Variants in FAM149B1 observed in about 807,000 individuals in gnomAD.
FAM149B1 encodes family with sequence similarity 149 member B1.
FAM149B1 carries 56 observed loss-of-function variants against 75.3 expected under a neutral mutation model. That is an observed-to-expected ratio of 0.74 (90% confidence interval 0.60 to 0.93). The LOEUF (loss-of-function observed/expected upper bound fraction) is 0.93, where lower values mean the gene tolerates loss of function less well. FAM149B1 is among the 40% of genes least tolerant of loss of function. FAM149B1 has a pLI of 0.00. For missense variants in FAM149B1, 639 were observed against 708.4 expected (o/e 0.90, Z 1.11); for synonymous variants, 259 against 256.1 (o/e 1.01, Z -0.11).
chr10:73,209,690 C>T (rs2043145568), intron 6 of FAM149B1, among the ~76,000 whole-genome samples: 3 of 152,282 alleles, frequency 2.0e-5, no homozygotes, highest in Middle Eastern at 3.4e-3. Flanking sequence ...ATTCTCAATC[C>T]AGTCTTCTCT....
Position 73,244,402 on chromosome 10 carries a change from T to TTGTAGTCCCAGCTACTA in FAM149B1, c.*3383_*3384insTGTAGTCCCAGCTACTA, listed in dbSNP as rs2043984820. 6.6e-6 allele frequency: 1 copy of TTGTAGTCCCAGCTACTA among 151,072 alleles called. No individual in the cohort carries two copies. Among genetic ancestry groups the TTGTAGTCCCAGCTACTA allele is most frequent in the Admixed American group, 6.7e-5 (1 of 14,954 alleles). The allele number at this position is 151,072 out of a possible 1,614,324, so 9.4% of individuals were successfully genotyped here. A position where few individuals can be genotyped will look rare whatever the true frequency, so the allele number is the denominator to read the frequency against. On this transcript the variant is annotated 3_prime_UTR_variant, in exon 14 of 14. Coordinates refer to ENST00000242505, the MANE Select transcript of FAM149B1 (RefSeq NM_173348.2). ...GTCCCAGCTACTAGGGAGGCTGAGG[T>TTGTAGTCCCAGCTACTA]GGGAAGATGGCTTCAGTCTGAGAGT... is the stretch of plus-strand genomic sequence containing the variant.
chr10:73,192,736 A>G (rs2042714549), intron 4 of FAM149B1, 38 bp downstream of exon 4: 1 of 1,469,788 alleles, frequency 6.8e-7, no homozygotes, highest in Non-Finnish European at 9.0e-7. Flanking sequence ...TTCATGGCTA[A>G]TACTAAAATT....
At chr10:73,235,803 G>A (rs898333178) in intron 12 of FAM149B1, among the ~76,000 whole-genome samples, 1 of 152,170 alleles carries the variant, frequency 6.6e-6, no homozygotes, top group African/African-American at 2.4e-5. Context: ...GAGTAGCTGG[G>A]ACTACAGGTG....
intron 5 of FAM149B1, among the ~76,000 whole-genome samples, chr10:73,198,273 A>C (rs1014280603): frequency 2.6e-5 from 4 of 152,226 alleles, no homozygotes; most frequent in Admixed American, 6.5e-5. Context: ...ACATAGGGTA[A>C]AGCTTCAGGC....
At chr10:73,238,169 A>C (rs2043864776) in intron 12 of FAM149B1, among the ~76,000 whole-genome samples, 2 of 152,048 alleles carry the variant, frequency 1.3e-5, no homozygotes, top group African/African-American at 2.4e-5. Flanking sequence ...AACATGGTGA[A>C]ACCCGTTTCT....
At chr10:73,213,762 C>T (rs2043240295) in intron 7 of FAM149B1, among the ~76,000 whole-genome samples, 1 of 152,166 alleles carries the variant, frequency 6.6e-6, no homozygotes, top group African/African-American at 2.4e-5. Flanking sequence ...TGTGAGTCCT[C>T]CAGCTTTGTC....
chr10:73,233,149 C>A lies in FAM149B1; in HGVS notation c.1338C>A (p.Leu446=), dbSNP rs1312241840. 1 of 1,551,014 alleles carries A rather than the reference C, an allele frequency of 6.4e-7. No homozygotes were observed. Among genetic ancestry groups the A allele is most frequent in the African/African-American group, 1.4e-5 (1 of 73,018 alleles). The change falls in exon 10 of 14, where the codon CTC becomes CTA. Residue 446 remains leucine (L), a synonymous_variant. Coordinates refer to ENST00000242505, the MANE Select transcript of FAM149B1 (RefSeq NM_173348.2). ...AETPRSVEEI[L]RGARVPVAPD... ...CACCAAGATCTGTGGAAGAAATCCT[C>A]AGAGGAGCCCGAGTGTAGGTTTCAA...
At chr10:73,229,037 CT>C (rs1645087087) in intron 8 of FAM149B1, among the ~76,000 whole-genome samples, 1 of 152,110 alleles carries the variant, frequency 6.6e-6, no homozygotes, top group Non-Finnish European at 1.5e-5. Flanking sequence ...ATATTTAAAT[CT>C]GTTAACTTTT....
chr10:73,179,597 A>G (rs2042349474), intron 3 of FAM149B1, among the ~76,000 whole-genome samples: 2 of 149,510 alleles, frequency 1.3e-5, no homozygotes, highest in African/African-American at 2.5e-5. Flanking sequence ...TTTTTTTAAG[A>G]GGTAGGATCT....
chr10:73,241,017 TA>T lies in FAM149B1; in HGVS notation c.1749del (p.Ter583=). 1 of 1,525,822 alleles carries T rather than the reference TA, an allele frequency of 6.6e-7. No individual in the cohort carries two copies. Among genetic ancestry groups the T allele is most frequent in the Non-Finnish European group, 8.9e-7 (1 of 1,126,740 alleles). 94.5% of individuals were successfully genotyped at this position (1,525,822 alleles called of 1,614,324 possible). On this transcript the variant is annotated frameshift_variant and stop_lost, in exon 14 of 14. Coordinates refer to ENST00000242505, the MANE Select transcript of FAM149B1 (RefSeq NM_173348.2). LOFTEE classifies it high-confidence loss of function. Reference protein sequence around the residue: ...RPVSRTRQGP* With the variant: ...RPVSRTRQGPX ...AGTCTCTCGAACCAGGCAGGGACCA[TA>T]AGGCAAATGAGAAGAATCTATCAGG...
intron 7 of FAM149B1, among the ~76,000 whole-genome samples, chr10:73,211,163 T>C (rs927997427): frequency 6.6e-6 from 1 of 152,160 alleles, no homozygotes; most frequent in African/African-American, 2.4e-5. Context: ...CCTAGTCCTT[T>C]AGGATTTTTA....
intron 2 of FAM149B1, 51 bp downstream of exon 2, chr10:73,174,842 G>T: frequency 1.1e-5 from 15 of 1,320,118 alleles, no homozygotes; most frequent in Non-Finnish European, 1.6e-5. Flanking sequence ...TCATGGCAGA[G>T]GTTTTGTTTT....
At chr10:73,219,595 A>C (rs535577155) in intron 7 of FAM149B1, among the ~76,000 whole-genome samples, 5 of 152,208 alleles carry the variant, frequency 3.3e-5, no homozygotes, top group Non-Finnish European at 7.4e-5. Flanking sequence ...AAAGTTCAGA[A>C]ATACACCCAC....
chr10:73,215,273 G>A (rs868815693), intron 7 of FAM149B1, among the ~76,000 whole-genome samples: 14 of 152,062 alleles, frequency 9.2e-5, no homozygotes, highest in South Asian at 6.2e-4. Context: ...TGCCCACCTT[G>A]GCCTCCCTCC....
chr10:73,194,411 G>A (rs2042751692), intron 5 of FAM149B1, among the ~76,000 whole-genome samples: 1 of 151,548 alleles, frequency 6.6e-6, no homozygotes, highest in Admixed American at 6.6e-5. Flanking sequence ...TATTTTTTTT[G>A]AGACGGAGTC....
At position 73,230,534 on chromosome 10, in the gene FAM149B1, T is replaced by A. The variant is rs1293301492; in HGVS notation, c.1127+9T>A. 1 of 1,366,550 alleles carries A rather than the reference T, an allele frequency of 7.3e-7. No homozygotes were observed. Among genetic ancestry groups the A allele is most frequent in the Non-Finnish European group, 1.0e-6 (1 of 978,544 alleles). The allele number at this position is 1,366,550 out of a possible 1,614,324, so 84.7% of individuals were successfully genotyped here. A position where few individuals can be genotyped will look rare whatever the true frequency, so the allele number is the denominator to read the frequency against. On this transcript the variant is annotated intron_variant, in intron 9 of 13. Transcript: ENST00000242505. ...CTAATGGACAAGCTCCTGTAAGAAG[T>A]TCAACATTTTCAGACTATACAGTGT...
chr10:73,205,319 G>C (rs191538448), intron 5 of FAM149B1, among the ~76,000 whole-genome samples: 3 of 147,948 alleles, frequency 2.0e-5, no homozygotes, highest in African/African-American at 7.8e-5. Flanking sequence ...TCATTTAGAA[G>C]TGTGCGGCAC....
At chr10:73,197,115 C>T (rs1370723760) in intron 5 of FAM149B1, among the ~76,000 whole-genome samples, 4 of 152,078 alleles carry the variant, frequency 2.6e-5, no homozygotes, top group Non-Finnish European at 5.9e-5. Context: ...GCAATCCTCC[C>T]GCCTCAGCCT....
intron 2 of FAM149B1, among the ~76,000 whole-genome samples, chr10:73,177,574 C>CA (rs112060986): frequency 1.4e-4 from 21 of 145,296 alleles, no homozygotes; most frequent in Non-Finnish European, 2.3e-4. Flanking sequence ...ATTCTGTCTC[C>CA]AAAAAAAAAA....
Sources: gnomAD v4.1 joint callset for allele counts (sites outside exome capture counted in the v4.1 genomes callset) on GRCh38, gnomAD v4.1.1 for gene constraint, MANE v1.5 for transcripts, NCBI Gene and HGNC (gene_info 2026-07-23, HGNC 2026-07-21) for gene names.